MACROD2: variants seen among roughly 807,000 people sequenced by gnomAD.
MACROD2 encodes the protein mono-ADP ribosylhydrolase 2.
A neutral mutation model predicts 70.4 loss-of-function variants in MACROD2; 36 were observed. The observed-to-expected ratio is 0.51, with a 90% CI of 0.39 to 0.68. MACROD2 has a LOEUF of 0.68. Among genes scored for constraint, MACROD2 ranks in the 30% least tolerant of loss-of-function variants. The pLI, the probability that MACROD2 is intolerant of heterozygous loss-of-function variation, is 0.00. For synonymous variants in MACROD2, 172 were observed against 178.8 expected (o/e 0.96, Z 0.30); for missense variants, 496 against 538.4 (o/e 0.92, Z 0.78).
chr20:15,250,183 C>G (rs1322838352), intron 6 of MACROD2, among the ~76,000 whole-genome samples: 2 of 152,120 alleles, frequency 1.3e-5, no homozygotes, highest in Non-Finnish European at 2.9e-5. Flanking sequence ...ACCTCCCCAC[C>G]ACCTTCACCA....
intron 5 of MACROD2, among the ~76,000 whole-genome samples, chr20:15,152,265 T>A (rs970699907): frequency 1.3e-5 from 2 of 151,774 alleles, no homozygotes; most frequent in Admixed American, 6.6e-5. Flanking sequence ...AGGTTTTAAG[T>A]TCTTAAGAAC....
At chr20:15,525,993 A>G (rs2047716334) in intron 8 of MACROD2, among the ~76,000 whole-genome samples, 1 of 152,232 alleles carries the variant, frequency 6.6e-6, no homozygotes, top group Non-Finnish European at 1.5e-5. Context: ...AAATAAAAAG[A>G]TGTTTTATTT....
At chr20:15,621,176 A>C (rs2049119768) in intron 8 of MACROD2, among the ~76,000 whole-genome samples, 1 of 152,178 alleles carries the variant, frequency 6.6e-6, no homozygotes, top group Non-Finnish European at 1.5e-5. Context: ...ATTGGGGTAG[A>C]ACATTTTAAC....
At chr20:15,312,272 T>G (rs1294404859) in intron 6 of MACROD2, among the ~76,000 whole-genome samples, 1 of 152,234 alleles carries the variant, frequency 6.6e-6, no homozygotes, top group Admixed American at 6.5e-5. Context: ...ATATTTGACA[T>G]GTAGAAATTG....
intron 7 of MACROD2, among the ~76,000 whole-genome samples, chr20:15,443,453 A>C (rs538856457): frequency 5.3e-5 from 8 of 152,296 alleles, no homozygotes; most frequent in African/African-American, 1.7e-4. Context: ...AGTTTCCTAC[A>C]AGTGACTGCA....
intron 4 of MACROD2, among the ~76,000 whole-genome samples, chr20:14,591,018 T>C (rs1297245472): frequency 1.3e-5 from 2 of 152,180 alleles, no homozygotes; most frequent in African/African-American, 2.4e-5. Flanking sequence ...TTTGATGTTA[T>C]ACGAAACTGT....
chr20:15,003,556 A>G (rs1359407034), intron 5 of MACROD2, among the ~76,000 whole-genome samples: 6 of 152,228 alleles, frequency 3.9e-5, no homozygotes, highest in South Asian at 4.1e-4. Context: ...CATAAATTAT[A>G]TCATTGAGAA....
intron 10 of MACROD2, among the ~76,000 whole-genome samples, chr20:15,902,479 G>A (rs2065078688): frequency 6.6e-6 from 1 of 152,042 alleles, no homozygotes; most frequent in Admixed American, 6.6e-5. Context: ...TTATCCTAAA[G>A]CTTCAACCAA....
intron 3 of MACROD2, among the ~76,000 whole-genome samples, chr20:14,343,291 G>T (rs955697912): frequency 6.6e-6 from 1 of 151,908 alleles, no homozygotes; most frequent in Non-Finnish European, 1.5e-5. Flanking sequence ...AGACTTGGAG[G>T]AAGCAGATTG....
At chr20:15,913,696 A>T (rs993529153) in intron 10 of MACROD2, among the ~76,000 whole-genome samples, 1 of 151,960 alleles carries the variant, frequency 6.6e-6, no homozygotes, top group African/African-American at 2.4e-5. Flanking sequence ...CCATTTTTTC[A>T]TCTCTAGGGT....
At chr20:14,231,825 T>C (rs1216017054) in intron 3 of MACROD2, among the ~76,000 whole-genome samples, 5 of 152,126 alleles carry the variant, frequency 3.3e-5, no homozygotes, top group Non-Finnish European at 5.9e-5. Flanking sequence ...TTTTAATGAT[T>C]GCCATTCTAA....
At chr20:15,166,941 ATTT>A (rs1442125329) in intron 5 of MACROD2, among the ~76,000 whole-genome samples, 2 of 128,210 alleles carry the variant, frequency 1.6e-5, no homozygotes, top group Non-Finnish European at 3.6e-5. Flanking sequence ...TAAGTATTTA[ATTT>A]AAGTATTAAA....
At chr20:14,347,330 G>A (rs576515479) in intron 3 of MACROD2, among the ~76,000 whole-genome samples, 4 of 152,214 alleles carry the variant, frequency 2.6e-5, no homozygotes, top group Middle Eastern at 3.4e-3. Context: ...CTTGTAGTGC[G>A]TTTTGGGGAT....
chr20:15,080,980 C>A (rs1306825528), intron 5 of MACROD2, among the ~76,000 whole-genome samples: 1 of 152,000 alleles, frequency 6.6e-6, no homozygotes, highest in Admixed American at 6.6e-5. Flanking sequence ...TCAAATATAT[C>A]ACTTTAAAAT....
At chr20:14,267,673 C>T (rs1341635139) in intron 3 of MACROD2, among the ~76,000 whole-genome samples, 1 of 152,068 alleles carries the variant, frequency 6.6e-6, no homozygotes, top group African/African-American at 2.4e-5. Flanking sequence ...TGTCTACTCT[C>T]ATTTCTGATT....
intron 5 of MACROD2, among the ~76,000 whole-genome samples, chr20:15,022,125 G>A (rs565836211): frequency 3.3e-5 from 5 of 152,108 alleles, no homozygotes; most frequent in East Asian, 1.9e-4. Flanking sequence ...ATTTTTTGGT[G>A]TCTATTTTAT....
At chr20:15,205,300 A>C (rs1430781304) in intron 5 of MACROD2, among the ~76,000 whole-genome samples, 2 of 152,210 alleles carry the variant, frequency 1.3e-5, no homozygotes, top group Non-Finnish European at 2.9e-5. Flanking sequence ...AGAATCAGTA[A>C]CAGTGAACTT....
At chr20:14,260,441 C>T (rs2082092394) in intron 3 of MACROD2, among the ~76,000 whole-genome samples, 1 of 152,068 alleles carries the variant, frequency 6.6e-6, no homozygotes, top group African/African-American at 2.4e-5. Context: ...CCTAAGCTCC[C>T]TTTTTTTGTT....
intron 8 of MACROD2, among the ~76,000 whole-genome samples, chr20:15,544,249 G>T (rs1003054377): frequency 6.6e-6 from 1 of 152,126 alleles, no homozygotes; most frequent in African/African-American, 2.4e-5. Context: ...TGGCTATGGC[G>T]TTAATAATAA....
Sources: allele counts gnomAD v4.1 joint callset (sites outside exome capture counted in the v4.1 genomes callset), GRCh38; gene constraint gnomAD v4.1.1; transcripts MANE v1.5; gene names NCBI Gene and HGNC (gene_info 2026-07-23, HGNC 2026-07-21).